RNF40: variants seen among roughly 807,000 people sequenced by gnomAD.
The protein encoded by RNF40 is ring finger protein 40, also known as E3 ubiquitin-protein ligase BRE1B.
In RNF40, 39 loss-of-function variants were observed where a neutral mutation model predicts 123.3. The ratio of observed to expected loss-of-function variants is 0.32; its 90% CI spans 0.24 to 0.41. The LOEUF is 0.41. Ranked by LOEUF, RNF40 falls within the 10% of genes least tolerant of loss-of-function variation. The pLI, the probability that RNF40 is intolerant of heterozygous loss-of-function variation, is 1.00. For missense variants in RNF40, 1,003 were observed against 1,319.9 expected (o/e 0.76, Z 3.72); for synonymous variants, 538 against 526.0 (o/e 1.02, Z -0.31).
chr16:30,766,256 G>T lies in RNF40; in HGVS notation c.1087G>T (p.Ala363Ser), dbSNP rs1333420091. Residue 363 changes from alanine (A) to serine (S), a missense_variant, in exon 9 of 20, where the codon GCT (alanine) becomes TCT (serine). Physicochemically the swap from Ala to Ser is moderately conservative, Grantham distance 99 (BLOSUM62 1). Coordinates refer to ENST00000324685, the MANE Select transcript of RNF40 (RefSeq NM_014771.4). This position sits in a 1 kb window ranked among gnomAD's most constrained non-coding sequence, Gnocchi z 5.4. ...GAAACTGCAGGCCGAACTTCAGGGG[G>T]CTGTGCGGACCAATGAGCGCCTCAA... ...LEKLQAELQG[A>S]VRTNERLKVA... is the part of the protein sequence containing the mutation. 1.9e-6 allele frequency: 3 copies of T among 1,614,044 alleles called. No individual in the cohort carries two copies. The highest frequency in any genetic ancestry group is 2.5e-6 in the Non-Finnish European group (3 of 1,180,022).
intron 8 of RNF40, 111 bp downstream of exon 8, chr16:30,765,610 C>A: frequency 1.1e-6 from 1 of 913,600 alleles, no homozygotes; most frequent in Non-Finnish European, 1.7e-6. Flanking sequence ...TTCCTGGTCA[C>A]TCCTGCTGCT....
intron 11 of RNF40, 58 bp from the exon 12 acceptor site, chr16:30,767,836 G>A (rs931198740): frequency 6.2e-7 from 1 of 1,612,964 alleles, no homozygotes; most frequent in Non-Finnish European, 8.5e-7. Context: ...CCACTGAGGG[G>A]TTGGAGTCCT....
chr16:30,763,700 A>G (rs911531500), intron 4 of RNF40, 141 bp downstream of exon 4: 1 of 879,194 alleles, frequency 1.1e-6, no homozygotes, highest in South Asian at 1.7e-5. Context: ...AGTAAAGTGC[A>G]GTGCACAAAA....
Position 30,772,146 on chromosome 16 carries a change from G to A in RNF40, c.2785G>A (p.Ala929Thr), listed in dbSNP as rs1178040515. Reference sequence around the variant, plus strand: ...AAAGCAGAGGAAGGTGGAGGTCTACGCAGATGCCGACGAAATCCTCCAGGA... The same window carrying A: ...AAAGCAGAGGAAGGTGGAGGTCTACACAGATGCCGACGAAATCCTCCAGGA... ...LEKQRKVEVY[A>T]DADEILQEEI... The change falls in exon 19 of 20, where the codon GCA (alanine) becomes ACA (threonine). Residue 929 changes from alanine (A) to threonine (T), a missense_variant. Physicochemically the swap from Ala to Thr is moderately conservative, Grantham distance 58. Around this residue, in one of 11 missense-constraint regions of RNF40, gnomAD observed 76 missense variants for 134.1 expected, o/e 0.57. Coordinates refer to ENST00000324685, the MANE Select transcript of RNF40 (RefSeq NM_014771.4). 1.3e-6 allele frequency: 2 copies of A among 1,554,066 alleles called. No individual in the cohort carries two copies. Among genetic ancestry groups the A allele is most frequent in the Non-Finnish European group, 8.7e-7 (1 of 1,148,390 alleles).
chr16:30,773,700 C>T, intron 19 of RNF40: 1 of 416,788 alleles, frequency 2.4e-6, no homozygotes, highest in South Asian at 6.3e-5. Context: ...TGAGGGGACA[C>T]ATGATAGCCA....
At chr16:30,764,595 G>A (rs991272948) in intron 5 of RNF40, among the ~76,000 whole-genome samples, 7 of 152,246 alleles carry the variant, frequency 4.6e-5, no homozygotes, top group African/African-American at 1.4e-4. Flanking sequence ...TGGGTTGGAG[G>A]AGTTGTTGAT....
Position 30,775,098 on chromosome 16 carries a change from G to C in RNF40, c.*984G>C. ...CCGGAGAGGCCAGAGGGTTGGAGCTGCAGGGACCCGTTTGGACCCACAGCC... is the reference window on the plus strand; with the variant it reads ...CCGGAGAGGCCAGAGGGTTGGAGCTCCAGGGACCCGTTTGGACCCACAGCC... On this transcript the variant is annotated 3_prime_UTR_variant, in exon 20 of 20. Transcript: ENST00000324685. 1 of 453,226 alleles carries C rather than the reference G, an allele frequency of 2.2e-6. No individual in the cohort carries two copies. The highest frequency in any genetic ancestry group is 4.4e-6 in the Non-Finnish European group (1 of 225,168). The allele number at this position is 453,226 out of a possible 1,614,324, so 28.1% of individuals were successfully genotyped here. A position where few individuals can be genotyped will look rare whatever the true frequency, so the allele number is the denominator to read the frequency against.
In RNF40 at chr16:30,766,873, G is replaced by A; in HGVS notation, c.1426G>A (p.Ala476Thr). The change falls in exon 11 of 20, where the codon GCG (alanine) becomes ACG (threonine). Residue 476 changes from alanine (A) to threonine (T), a missense_variant. By Grantham distance (58) the Ala-to-Thr change is moderately conservative. This residue lies in a region of RNF40 where 30 missense variants were observed against 68.9 expected (regional missense o/e 0.44). Transcript: ENST00000324685. This position sits in a 1 kb window ranked among gnomAD's most constrained non-coding sequence, Gnocchi z 5.4. ...FEQNLAANEQ[A>T]GPINREMRHL... ...GCAGAATCTGGCGGCCAACGAGCAG[G>A]CGGGTATGTGGTGAGGATAGGGCGG... 1 of 1,613,012 alleles carries A rather than the reference G, an allele frequency of 6.2e-7. No homozygotes were observed. The highest frequency in any genetic ancestry group is 8.5e-7 in the Non-Finnish European group (1 of 1,179,874).
Position 30,768,193 on chromosome 16 carries a change from G to C in RNF40, c.1642G>C (p.Glu548Gln). Residue 548 changes from glutamate (E) to glutamine (Q), a missense_variant, in exon 13 of 20, where the codon GAG becomes CAG. Coordinates refer to ENST00000324685, the MANE Select transcript of RNF40 (RefSeq NM_014771.4). The surrounding 1 kb of genome is among the most constrained non-coding windows in gnomAD (Gnocchi z 4.1). ...SGVSAPAPGK[E>Q]EGGPGPVSTP... is the part of the protein sequence containing the mutation. ...CGTCAGTGCCCCAGCCCCAGGGAAA[G>C]AGGAGGGTGGGCCAGGCCCTGTCAG... 1 of 1,613,296 alleles carries C rather than the reference G, an allele frequency of 6.2e-7. No homozygotes were observed. The highest frequency in any genetic ancestry group is 8.5e-7 in the Non-Finnish European group (1 of 1,179,782).
intron 4 of RNF40, 81 bp downstream of exon 4, chr16:30,763,640 C>A: frequency 7.0e-7 from 1 of 1,438,542 alleles, no homozygotes. Flanking sequence ...TGTTGGGCCC[C>A]TGAATTGCCT....
chr16:30,765,749 A>G lies in RNF40; in HGVS notation c.993+250A>G, dbSNP rs372266345. ...GACCAGACAAGAAATAAATAAAAGAATATATCTTTAGGTTCTACTTGTGGT... is the reference window on the plus strand; with the variant it reads ...GACCAGACAAGAAATAAATAAAAGAGTATATCTTTAGGTTCTACTTGTGGT... On this transcript the variant is annotated intron_variant, in intron 8 of 19. Transcript: ENST00000324685. Among the ~76,000 whole-genome samples the G allele has an allele frequency of 9.1e-4, 138 of 152,394 alleles. 2 individuals carry two copies. The highest frequency in any genetic ancestry group is 3.4e-3 in the Middle Eastern group (1 of 294).
At position 30,766,755 on chromosome 16, in the gene RNF40, G is replaced by C; in HGVS notation, c.1308G>C (p.Gly436=). The C allele has an allele frequency of 1.2e-6, 2 of 1,614,086 alleles. No homozygotes were observed. The highest frequency in any genetic ancestry group is 1.7e-6 in the Non-Finnish European group (2 of 1,180,032). Reference sequence around the variant, plus strand: ...TCAACCCACAGAGCGACGAGCTGGGGCTGCAGAAGAAGCTACGCACAGAGG... The same window carrying C: ...TCAACCCACAGAGCGACGAGCTGGGCCTGCAGAAGAAGCTACGCACAGAGG... The part of the protein sequence containing the change: ...HIEHMESDEL[G]LQKKLRTEVI... Residue 436 remains glycine (G), a synonymous_variant, in exon 11 of 20, where the codon GGG becomes GGC. Transcript: ENST00000324685. The surrounding 1 kb of genome is among the most constrained non-coding windows in gnomAD (Gnocchi z 5.4).
In RNF40 at chr16:30,774,318, G is replaced by T. The variant is rs2054198694; in HGVS notation, c.*204G>T. On this transcript the variant is annotated 3_prime_UTR_variant, in exon 20 of 20. Coordinates refer to ENST00000324685, the MANE Select transcript of RNF40 (RefSeq NM_014771.4). ...TCGTTCCATCTTTTCCTAAAGGTCA[G>T]AGCTGCAGCCTAGGGGGCACTGCCC... 1 of 575,842 alleles carries T rather than the reference G, an allele frequency of 1.7e-6. No individual in the cohort carries two copies. Among genetic ancestry groups the T allele is most frequent in the South Asian group, 2.5e-5 (1 of 39,924 alleles). The allele number at this position is 575,842 out of a possible 1,614,324, so 35.7% of individuals were successfully genotyped here. A position where few individuals can be genotyped will look rare whatever the true frequency, so the allele number is the denominator to read the frequency against.
Position 30,764,958 on chromosome 16 carries a change from G to A in RNF40, c.670G>A (p.Glu224Lys). 9.3e-6 allele frequency: 15 copies of A among 1,612,456 alleles called. No individual in the cohort carries two copies. Among genetic ancestry groups the A allele is most frequent in the Non-Finnish European group, 1.3e-5 (15 of 1,179,950 alleles). Reference protein sequence around the residue: ...YSRGDSEPLSEAAQAHTRELG... With the variant: ...YSRGDSEPLSKAAQAHTRELG... The stretch of plus-strand genomic sequence containing the variant: ...CCCAGGGGACAGTGAGCCCCTCAGT[G>A]AGGCGGCTCAGGCACACACCCGAGA... The change falls in exon 6 of 20, where the codon GAG becomes AAG. Residue 224 changes from glutamate to lysine, a missense_variant. Transcript: ENST00000324685.
chr16:30,768,457 C>G lies in RNF40; in HGVS notation c.1906C>G (p.Arg636Gly). The G allele has an allele frequency of 1.9e-6, 3 of 1,612,072 alleles. No homozygotes were observed. Among genetic ancestry groups the G allele is most frequent in the Non-Finnish European group, 2.5e-6 (3 of 1,178,946 alleles). Residue 636 changes from arginine to glycine, a missense_variant, in exon 13 of 20, where the codon CGG (arginine) becomes GGG (glycine). Physicochemically the swap from Arg to Gly is moderately radical, Grantham distance 125. This residue lies in a region of RNF40 where 295 missense variants were observed against 331.7 expected (regional missense o/e 0.89). Transcript: ENST00000324685. The surrounding 1 kb of genome is among the most constrained non-coding windows in gnomAD (Gnocchi z 4.1). Reference sequence around the variant, plus strand: ...AGCCTCCGCTCTCTCAAGGGCTGATCGGGAGAAGGCCAAGGTGGAAGAAAC... The same window carrying G: ...AGCCTCCGCTCTCTCAAGGGCTGATGGGGAGAAGGCCAAGGTGGAAGAAAC... ...PVASALSRAD[R>G]EKAKVEETKR...
upstream of RNF40, chr16:30,761,828 T>A (rs1195230514): frequency 7.4e-7 from 1 of 1,350,190 alleles, no homozygotes; most frequent in Non-Finnish European, 9.9e-7. Flanking sequence ...GGTCGGCGGC[T>A]ACCAAGGCCG....
upstream of RNF40, chr16:30,761,907 C>T: frequency 2.8e-6 from 2 of 702,254 alleles, no homozygotes; most frequent in South Asian, 2.0e-5. Flanking sequence ...GTGGGGGCGT[C>T]TCCCTCCGTC....
Position 30,766,514 on chromosome 16 carries a change from C to G in RNF40, c.1249C>G (p.Leu417Val). Reference protein sequence around the residue: ...TQLDEARGLLLATKNSHLRHI... With the variant: ...TQLDEARGLLVATKNSHLRHI... ...GCTAGACGAGGCTCGGGGCCTGCTG[C>G]TGGCCACAAAGAACTCCCACCTGCG... Residue 417 changes from leucine (L) to valine (V), a missense_variant, in exon 10 of 20, where the codon CTG becomes GTG. By Grantham distance (32) the Leu-to-Val change is conservative. Transcript: ENST00000324685. This position sits in a 1 kb window ranked among gnomAD's most constrained non-coding sequence, Gnocchi z 5.4. 6.2e-7 allele frequency: 1 copy of G among 1,612,968 alleles called. No homozygotes were observed. The highest frequency in any genetic ancestry group is 8.5e-7 in the Non-Finnish European group (1 of 1,179,664).
rs746130595 is a variant in RNF40 at position 30,763,414 on chromosome 16, C to G, written c.301-4C>G. On this transcript the variant is annotated splice_polypyrimidine_tract_variant and splice_region_variant and intron_variant, in intron 3 of 19. Coordinates refer to ENST00000324685, the MANE Select transcript of RNF40 (RefSeq NM_014771.4). Reference sequence around the variant, plus strand: ...ATAACATTTTTGATGTTTTCTCCTTCCAGCTGGATGAAACTGTGGAAGCCC... The same window carrying G: ...ATAACATTTTTGATGTTTTCTCCTTGCAGCTGGATGAAACTGTGGAAGCCC... 6.2e-7 allele frequency: 1 copy of G among 1,601,614 alleles called. No individual in the cohort carries two copies.
Sources: gnomAD v4.1 joint callset for allele counts (sites outside exome capture counted in the v4.1 genomes callset) on GRCh38, gnomAD v4.1.1 for gene constraint, gnomAD v4.1.1 regional missense constraint, Gnocchi (gnomAD v3.1) non-coding constraint, MANE v1.5 for transcripts, NCBI Gene and HGNC (gene_info 2026-07-23, HGNC 2026-07-21) for gene names.